Variants in P2RX5 observed in about 807,000 individuals in gnomAD.
The protein encoded by P2RX5 is P2X purinoceptor 5.
A neutral mutation model predicts 54.1 loss-of-function variants in P2RX5; 46 were observed. The observed-to-expected ratio is 0.85, with a 90% CI of 0.67 to 1.09. The LOEUF (loss-of-function observed/expected upper bound fraction) is 1.09. P2RX5 is among the 50% of genes least tolerant of loss of function. The pLI is 0.00. For synonymous variants in P2RX5, 226 were observed against 226.4 expected, an observed-to-expected ratio of 1.00 and a Z score of 0.02; for missense variants, 566 against 549.8, an observed-to-expected ratio of 1.03 and a Z score of -0.29.
the P2RX5 span, among the ~76,000 whole-genome samples, chr17:3,719,870 G>A: frequency 1.3e-3 from 201 of 152,210 alleles, 1 homozygote; most frequent in Non-Finnish European, 2.3e-3. Context: ...TGGGATTACA[G>A]GCACCCACCA....
chr17:3,697,970 C>T (rs1200802746), upstream of P2RX5, among the ~76,000 whole-genome samples: 1 of 152,084 alleles, frequency 6.6e-6, no homozygotes, highest in Non-Finnish European at 1.5e-5. Context: ...CTTTGGACAT[C>T]TCTGTATGTC....
At chr17:3,676,641 C>T (rs1468708271) in intron 11 of P2RX5, 6 of 979,162 alleles carry the variant, frequency 6.1e-6, no homozygotes, top group Non-Finnish European at 7.3e-6. Context: ...ACCAGGGCTT[C>T]TTAAATGTCA....
chr17:3,677,955 A>G, intron 11 of P2RX5: 8 of 985,286 alleles, frequency 8.1e-6, no homozygotes, highest in Non-Finnish European at 8.4e-6. Flanking sequence ...AGTTCAGGAG[A>G]GATGGCTGTG....
the P2RX5 span, among the ~76,000 whole-genome samples, chr17:3,704,377 C>T: frequency 4.6e-5 from 7 of 152,134 alleles, no homozygotes; most frequent in Non-Finnish European, 1.0e-4. Flanking sequence ...AGGGGTGGTA[C>T]GGGAAGAGTT....
chr17:3,691,048 T>C, intron 2 of P2RX5, 21 bp from the exon 3 acceptor site: 2 of 1,585,768 alleles, frequency 1.3e-6, no homozygotes, highest in Non-Finnish European at 1.7e-6. Context: ...AGAGAGGCAC[T>C]GAGGAACCTC....
intron 10 of P2RX5, among the ~76,000 whole-genome samples, chr17:3,680,273 G>A (rs1339801216): frequency 9.4e-6 from 1 of 106,110 alleles, no homozygotes; most frequent in Non-Finnish European, 1.9e-5. Flanking sequence ...TCCACCCAGT[G>A]TCCTCCACCC....
the P2RX5 span, among the ~76,000 whole-genome samples, chr17:3,706,410 C>T: frequency 1.3e-5 from 2 of 152,066 alleles, no homozygotes; most frequent in South Asian, 4.2e-4. Flanking sequence ...AAGATTTCAA[C>T]AGACGTAATT....
chr17:3,697,164 G>A (rs533871349), upstream of P2RX5, among the ~76,000 whole-genome samples: 1 of 152,098 alleles, frequency 6.6e-6, no homozygotes, highest in East Asian at 1.9e-4. Flanking sequence ...GACGGGGTGG[G>A]GGCGGGGAGA....
At chr17:3,677,979 G>C in intron 11 of P2RX5, 1 of 985,428 alleles carries the variant, frequency 1.0e-6, no homozygotes, top group African/African-American at 1.7e-5. Context: ...GGAAGCCCCT[G>C]TCTCATGCAG....
the P2RX5 span, among the ~76,000 whole-genome samples, chr17:3,701,240 G>GT: frequency 2.0e-4 from 30 of 151,764 alleles, no homozygotes; most frequent in African/African-American, 5.3e-4. Flanking sequence ...GCAATTTTTT[G>GT]TTTTTTTTAG....
the P2RX5 span, among the ~76,000 whole-genome samples, chr17:3,708,188 CTG>C: frequency 1.3e-5 from 2 of 151,954 alleles, no homozygotes; most frequent in Non-Finnish European, 2.9e-5. Flanking sequence ...CTTAGGAAGA[CTG>C]TTTTTCAGAC....
At chr17:3,710,426 C>CAAAT in the P2RX5 span, among the ~76,000 whole-genome samples, 46 of 151,576 alleles carry the variant, frequency 3.0e-4, 1 homozygote, top group Admixed American at 2.1e-3. Flanking sequence ...GACTCTATCT[C>CAAAT]AAATAAATAA....
the P2RX5 span, among the ~76,000 whole-genome samples, chr17:3,713,574 A>C: frequency 1.3e-5 from 2 of 151,924 alleles, no homozygotes; most frequent in African/African-American, 4.8e-5. Context: ...AACATGGAGA[A>C]ACCCCATCTC....
At chr17:3,711,069 C>T in the P2RX5 span, among the ~76,000 whole-genome samples, 3 of 152,222 alleles carry the variant, frequency 2.0e-5, no homozygotes, top group African/African-American at 7.2e-5. Context: ...GCAAGCTCTA[C>T]CATTTCCTGT....
chr17:3,708,667 T>G, the P2RX5 span, among the ~76,000 whole-genome samples: 1 of 152,094 alleles, frequency 6.6e-6, no homozygotes, highest in Non-Finnish European at 1.5e-5. Context: ...TTACAAAAAG[T>G]TTTTAATTCC....
chr17:3,723,674 A>C, the P2RX5 span: 1 of 1,579,010 alleles, frequency 6.3e-7, no homozygotes, highest in African/African-American at 1.3e-5. Flanking sequence ...GCCTCTCGGG[A>C]CGGCCGCGCT....
the P2RX5 span, among the ~76,000 whole-genome samples, chr17:3,709,096 C>T: frequency 2.6e-5 from 4 of 152,074 alleles, no homozygotes; most frequent in Non-Finnish European, 1.5e-5. Flanking sequence ...GGATTACAGG[C>T]GCCTGCCACA....
the P2RX5 span, among the ~76,000 whole-genome samples, chr17:3,711,979 T>C: frequency 5.6e-5 from 8 of 143,750 alleles, no homozygotes; most frequent in Admixed American, 6.9e-5. Flanking sequence ...CTAACGCCAA[T>C]TGGATCAGCA....
chr17:3,684,346 A>C (rs7211688), intron 9 of P2RX5, among the ~76,000 whole-genome samples: 131,622 of 152,350 alleles, frequency 0.86, 60,105 homozygotes, highest in East Asian at 1. Flanking sequence ...GCTCACGCCC[A>C]TAATCCCAGC....
Sources: gnomAD v4.1 joint callset for allele counts (sites outside exome capture counted in the v4.1 genomes callset) on GRCh38, gnomAD v4.1.1 for gene constraint, MANE v1.5 for transcripts, NCBI Gene and HGNC (gene_info 2026-07-23, HGNC 2026-07-21) for gene names.